The following STK11 variants were observed in gnomAD, a reference collection of about 807,000 sequenced individuals.
The protein encoded by STK11 is serine/threonine kinase 11, also known as serine/threonine-protein kinase STK11.
A neutral mutation model predicts 47.3 loss-of-function variants in STK11; 8 were observed. The observed-to-expected ratio is 0.17, with a 90% CI of 0.10 to 0.31. The LOEUF (loss-of-function observed/expected upper bound fraction) is 0.31. Among genes scored for constraint, STK11 ranks in the 10% least tolerant of loss-of-function variants. The pLI is 1.00. For missense variants in STK11, 475 were observed against 605.0 expected (o/e 0.79, Z 2.25); for synonymous variants, 330 against 255.8 (o/e 1.29, Z -2.77).
rs565367603 is a variant in STK11, at chr19:1,223,898, C to T, written c.1108+726C>T. On this transcript the variant is annotated intron_variant, in intron 8 of 9. Coordinates refer to ENST00000326873, the MANE Select transcript of STK11 (RefSeq NM_000455.5). Reference sequence around the variant, plus strand: ...GTATCTGCAGGGTGGATGCTTGCTGCGCTCGGGCTGGAGCCTGAGGGGGCT... The same window carrying T: ...GTATCTGCAGGGTGGATGCTTGCTGTGCTCGGGCTGGAGCCTGAGGGGGCT... 33 of 1,015,704 alleles carry T rather than the reference C, an allele frequency of 3.2e-5. No homozygotes were observed. In the South Asian group the frequency reaches 3.3e-4, roughly 10 times the overall value. The allele number at this position is 1,015,704 out of a possible 1,614,324, so 62.9% of individuals were successfully genotyped here.
chr19:1,221,502 C>G, intron 6 of STK11, 162 bp downstream of exon 6: 1 of 1,119,810 alleles, frequency 8.9e-7, no homozygotes, highest in South Asian at 1.7e-5. Flanking sequence ...CCTGGTTTGC[C>G]AGGTCCCTCA....
chr19:1,211,329 T>A (rs2080708622), intron 1 of STK11, among the ~76,000 whole-genome samples: 1 of 152,124 alleles, frequency 6.6e-6, no homozygotes, highest in African/African-American at 2.4e-5. Context: ...ATAGGCTGTT[T>A]CTGGTAGGCA....
In STK11 at chr19:1,205,817, G is replaced by C. The variant is rs944606544; in HGVS notation, c.-1097G>C. On this transcript the variant is annotated 5_prime_UTR_variant, in exon 1 of 10. Transcript: ENST00000326873. ...GGCGGCGGCGTGTCGGGCGCGGAAG[G>C]GGGAGGCGGCCCGGGGCGCCCGCGA... 3.4e-5 allele frequency: 7 copies of C among 207,768 alleles called. No individual in the cohort carries two copies. In the South Asian group the frequency reaches 5.2e-4, roughly 16 times the overall value. The allele number at this position is 207,768 out of a possible 1,614,324, so 12.9% of individuals were successfully genotyped here. A position where few individuals can be genotyped will look rare whatever the true frequency, so the allele number is the denominator to read the frequency against.
chr19:1,223,405 G>T (rs1195725714), intron 8 of STK11, among the ~76,000 whole-genome samples: 1 of 152,218 alleles, frequency 6.6e-6, no homozygotes, highest in African/African-American at 2.4e-5. Flanking sequence ...TGGCCAGGAG[G>T]GTTCCTCAGG....
chr19:1,224,750 CTG>C (rs2080809098), intron 8 of STK11: 1 of 985,802 alleles, frequency 1.0e-6, no homozygotes, highest in Non-Finnish European at 1.2e-6. Context: ...GCTAAGCCCA[CTG>C]TGGGTGGTGA....
At chr19:1,219,223 G>T in intron 2 of STK11, 101 bp from the exon 3 acceptor site, 2 of 1,384,256 alleles carry the variant, frequency 1.4e-6, no homozygotes, top group Admixed American at 4.0e-5. Context: ...GAGGGGCAAG[G>T]TGGGTGCAGA....
chr19:1,223,296 C>G, intron 8 of STK11, 124 bp downstream of exon 8: 1 of 1,207,012 alleles, frequency 8.3e-7, no homozygotes, highest in Non-Finnish European at 1.2e-6. Context: ...CCCACGTCCC[C>G]AAAGCCTCCA....
At position 1,228,099 on chromosome 19, in the gene STK11, G is replaced by C; in HGVS notation, c.*523G>C. The C allele has an allele frequency of 9.4e-7, 1 of 1,064,112 alleles. No individual in the cohort carries two copies. The allele number at this position is 1,064,112 out of a possible 1,614,324, so 65.9% of individuals were successfully genotyped here. A position where few individuals can be genotyped will look rare whatever the true frequency, so the allele number is the denominator to read the frequency against. On this transcript the variant is annotated 3_prime_UTR_variant, in exon 10 of 10. Coordinates refer to ENST00000326873, the MANE Select transcript of STK11 (RefSeq NM_000455.5). ...AAAAAATAAAAGGTGGATTTGAGCTGTGGCTGTGAGGGGTGTTTGGGAGCT... is the reference window on the plus strand; with the variant it reads ...AAAAAATAAAAGGTGGATTTGAGCTCTGGCTGTGAGGGGTGTTTGGGAGCT...
rs1060499970 is a variant in STK11, at chr19:1,206,956, G to A, written c.43G>A (p.Gly15Ser). Residue 15 changes from glycine to serine, a missense_variant, in exon 1 of 10, where the codon GGC (glycine) becomes AGC (serine). This residue lies in a region of STK11 where 33 missense variants were observed against 26.8 expected (regional missense o/e 1.23). Transcript: ENST00000326873. ...DPQQLGMFTEGELMSVGMDTF... is the reference protein window; with the variant it reads ...DPQQLGMFTESELMSVGMDTF... ...GCAGCAGCTGGGCATGTTCACGGAG[G>A]GCGAGCTGATGTCGGTGGGTATGGA... The A allele has an allele frequency of 6.2e-7, 1 of 1,607,328 alleles. No homozygotes were observed. Among genetic ancestry groups the A allele is most frequent in the Non-Finnish European group, 8.5e-7 (1 of 1,177,212 alleles).
Position 1,226,626 on chromosome 19 carries a change from G to A in STK11, c.1281G>A (p.Leu427=), listed in dbSNP as rs1555740278. The A allele has an allele frequency of 1.3e-6, 2 of 1,544,706 alleles. No homozygotes were observed. The highest frequency in any genetic ancestry group is 2.4e-5 in the East Asian group (1 of 40,874). The change falls in exon 9 of 10, where the codon CTG becomes CTA. Residue 427 remains leucine (L), a synonymous_variant. Transcript: ENST00000326873. ...CCGCCAGCAGCAAGATCCGCCGGCT[G>A]TCGGCCTGCAAGCAGCAGTGAGGCT... The part of the protein sequence containing the change: ...ACSASSKIRR[L]SACKQQ
intron 6 of STK11, chr19:1,221,722 G>T (rs2080785816): frequency 3.3e-6 from 2 of 609,558 alleles, no homozygotes; most frequent in Non-Finnish European, 5.8e-6. Context: ...GAACCGCCCT[G>T]GCCGTCCAGC....
At chr19:1,208,050 C>G (rs2080680817) in intron 1 of STK11, among the ~76,000 whole-genome samples, 1 of 152,248 alleles carries the variant, frequency 6.6e-6, no homozygotes, top group Non-Finnish European at 1.5e-5. Context: ...GGGCCCTGCC[C>G]AGGCCCTGCT....
At position 1,206,812 on chromosome 19, in the gene STK11, T is replaced by C; in HGVS notation, c.-102T>C. Reference sequence around the variant, plus strand: ...TTTTTGTTGCCTTTTTTTTTTCTTTTTTCTTTGTAAAATTTTGGAGAAGGG... The same window carrying C: ...TTTTTGTTGCCTTTTTTTTTTCTTTCTTCTTTGTAAAATTTTGGAGAAGGG... On this transcript the variant is annotated 5_prime_UTR_variant, in exon 1 of 10. Coordinates refer to ENST00000326873, the MANE Select transcript of STK11 (RefSeq NM_000455.5). 7.1e-7 allele frequency: 1 copy of C among 1,409,242 alleles called. No individual in the cohort carries two copies. The highest frequency in any genetic ancestry group is 9.4e-7 in the Non-Finnish European group (1 of 1,066,390). The allele number at this position is 1,409,242 out of a possible 1,614,324, so 87.3% of individuals were successfully genotyped here. A position where few individuals can be genotyped will look rare whatever the true frequency, so the allele number is the denominator to read the frequency against.
rs769772524 is a variant in STK11 at position 1,226,563 on chromosome 19, G to C, written c.1218G>C (p.Ala406=). ...CGCAGCTGAGCACCAAATCCAGGGC[G>C]GAGGGCCGGGCCCCCAACCCTGCCC... ...EAAQLSTKSR[A]EGRAPNPARK... Residue 406 remains alanine (A), a synonymous_variant, in exon 9 of 10, where the codon GCG becomes GCC. Transcript: ENST00000326873. 9 of 1,592,196 alleles carry C rather than the reference G, an allele frequency of 5.7e-6. No individual in the cohort carries two copies. In the African/African-American group the frequency reaches 6.7e-5, roughly 12 times the overall value.
intron 1 of STK11, among the ~76,000 whole-genome samples, chr19:1,213,982 C>T (rs2080728776): frequency 6.6e-6 from 1 of 152,240 alleles, no homozygotes; most frequent in Non-Finnish European, 1.5e-5. Flanking sequence ...GTTTATGACT[C>T]TCCTTCCTAT....
In STK11 at chr19:1,206,807, T is replaced by C. The variant is rs1185289220; in HGVS notation, c.-107T>C. On this transcript the variant is annotated 5_prime_UTR_variant, in exon 1 of 10. Transcript: ENST00000326873. The stretch of plus-strand genomic sequence containing the variant: ...TGGGGTTTTTGTTGCCTTTTTTTTT[T>C]CTTTTTTCTTTGTAAAATTTTGGAG... 7.3e-7 allele frequency: 1 copy of C among 1,374,280 alleles called. No individual in the cohort carries two copies. Among genetic ancestry groups the C allele is most frequent in the Non-Finnish European group, 9.6e-7 (1 of 1,036,788 alleles). The allele number at this position is 1,374,280 out of a possible 1,614,324, so 85.1% of individuals were successfully genotyped here. A position where few individuals can be genotyped will look rare whatever the true frequency, so the allele number is the denominator to read the frequency against.
At position 1,217,347 on chromosome 19, in the gene STK11, G is replaced by T. The variant is rs913698899; in HGVS notation, c.291-1070G>T. On this transcript the variant is annotated intron_variant, in intron 1 of 9. Transcript: ENST00000326873. The stretch of plus-strand genomic sequence containing the variant: ...CCCGAGTAGCTAGGACTTGAGGCAC[G>T]TACCTCCACACCTGGCTAATTTTTG... 2.0e-5 allele frequency among the ~76,000 whole-genome samples: 3 copies of T among 152,146 alleles called. No homozygotes were observed. In the East Asian group the frequency reaches 5.8e-4, roughly 29 times the overall value.
At chr19:1,207,340 C>G in intron 1 of STK11, 137 bp downstream of exon 1, 1 of 1,240,084 alleles carries the variant, frequency 8.1e-7, no homozygotes, top group South Asian at 1.5e-5. Context: ...GCGCCTGTGT[C>G]CTCCGTGCCA....
In STK11 at chr19:1,221,219, C is replaced by T. The variant is rs754761142; in HGVS notation, c.741C>T (p.Asn247=). 4.3e-6 allele frequency: 7 copies of T among 1,612,206 alleles called. No individual in the cohort carries two copies. The South Asian group carries it at 4.4e-5, about 10-fold the overall frequency. ...DIWSAGVTLY[N]ITTGLYPFEG... ...CCCTCCCCTCGAAATGAAGCTACAA[C>T]ATCACCACGGGTCTGTACCCCTTCG... The change falls in exon 6 of 10, where the codon AAC becomes AAT. Residue 247 remains asparagine (N), a synonymous_variant. Coordinates refer to ENST00000326873, the MANE Select transcript of STK11 (RefSeq NM_000455.5).
Sources: gnomAD v4.1 joint callset for allele counts (sites outside exome capture counted in the v4.1 genomes callset) on GRCh38, gnomAD v4.1.1 for gene constraint, gnomAD v4.1.1 regional missense constraint, MANE v1.5 for transcripts, NCBI Gene and HGNC (gene_info 2026-07-23, HGNC 2026-07-21) for gene names.